Variants in PAIP1 observed in about 807,000 individuals in gnomAD.
PAIP1 encodes poly(A) binding protein interacting protein 1.
PAIP1 carries 16 observed loss-of-function variants against 61.3 expected under a neutral mutation model. The observed-to-expected ratio is 0.26, with a 90% CI of 0.18 to 0.40. PAIP1 has a LOEUF of 0.40. Ranked by LOEUF, PAIP1 falls within the 10% of genes least tolerant of loss-of-function variation. The pLI is 1.00. For missense variants in PAIP1, 416 were observed against 600.9 expected (o/e 0.69, Z 3.22); for synonymous variants, 187 against 226.2 (o/e 0.83, Z 1.56).
intron 2 of PAIP1, among the ~76,000 whole-genome samples, chr5:43,553,627 G>A (rs1365946753): frequency 6.6e-6 from 1 of 152,192 alleles, no homozygotes; most frequent in African/African-American, 2.4e-5. Context: ...GGGAAAAAAG[G>A]ATCCTGCTGT....
At chr5:43,540,163 G>GTA (rs1370296026) in intron 4 of PAIP1, among the ~76,000 whole-genome samples, 3 of 152,184 alleles carry the variant, frequency 2.0e-5, no homozygotes, top group African/African-American at 7.2e-5. Flanking sequence ...TGTTTACGAG[G>GTA]TATATTAACT....
intron 4 of PAIP1, among the ~76,000 whole-genome samples, chr5:43,540,781 T>A (rs1243719866): frequency 1.3e-5 from 2 of 152,032 alleles, no homozygotes; most frequent in African/African-American, 4.8e-5. Context: ...ATGAGAAGAG[T>A]GGGTCTCAAT....
At chr5:43,535,876 T>C (rs1747128173) in intron 6 of PAIP1, among the ~76,000 whole-genome samples, 1 of 152,162 alleles carries the variant, frequency 6.6e-6, no homozygotes, top group Non-Finnish European at 1.5e-5. Flanking sequence ...ATGGGTTTTA[T>C]GTCAACGACT....
intron 3 of PAIP1, among the ~76,000 whole-genome samples, chr5:43,544,146 TAAAAAA>T (rs568177939): frequency 2.1e-4 from 15 of 72,736 alleles, no homozygotes; most frequent in East Asian, 4.1e-4. Flanking sequence ...CCCATCTTTT[TAAAAAA>T]AAAAAAAAAA....
rs1747197512 is a variant in PAIP1, at chr5:43,537,371, C to T, written c.847-427G>A. 2.0e-5 allele frequency among the ~76,000 whole-genome samples: 3 copies of T among 152,024 alleles called. No individual in the cohort carries two copies. The South Asian group carries it at 6.2e-4, about 32-fold the overall frequency. On this transcript the variant is annotated intron_variant, in intron 5 of 10. Transcript: ENST00000306846. ...AGGAACTAAGCCTTATCTTTACATC[C>T]CCCATTGACCTAGCATCATTATCTC...
chr5:43,547,042 CAAAAA>C (rs766493987), intron 3 of PAIP1, among the ~76,000 whole-genome samples: 5 of 35,668 alleles, frequency 1.4e-4, no homozygotes, highest in African/African-American at 4.1e-4. Context: ...GACTCCATAT[CAAAAA>C]AAAAAAAAAA....
chr5:43,548,327 T>C (rs1375979628), intron 2 of PAIP1, among the ~76,000 whole-genome samples: 1 of 152,158 alleles, frequency 6.6e-6, no homozygotes, highest in Non-Finnish European at 1.5e-5. Flanking sequence ...TAGCTTACTG[T>C]TGAGGCCATG....
Position 43,555,822 on chromosome 5 carries a change from G to A in PAIP1, c.435+8C>T. On this transcript the variant is annotated splice_region_variant and intron_variant, in intron 2 of 10. Transcript: ENST00000306846. ...AACCCAGAGTTGTAGGAAAAAGGGT[G>A]TACTTACTGTGTAACTGGAAGAATA... 1 of 1,600,898 alleles carries A rather than the reference G, an allele frequency of 6.2e-7. No homozygotes were observed. Among genetic ancestry groups the A allele is most frequent in the Non-Finnish European group, 8.5e-7 (1 of 1,172,348 alleles).
Position 43,556,568 on chromosome 5 carries a change from G to T in PAIP1, c.265+14C>A. ...TCGCCAAGGAGGACTGGGGCCCTTA[G>T]AGCTGCTCCGTACCTGGGAGCGCCC... On this transcript the variant is annotated intron_variant, in intron 1 of 10. Coordinates refer to ENST00000306846, the MANE Select transcript of PAIP1 (RefSeq NM_006451.5). 2 of 1,252,078 alleles carry T rather than the reference G, an allele frequency of 1.6e-6. No individual in the cohort carries two copies. The highest frequency in any genetic ancestry group is 2.0e-6 in the Non-Finnish European group (2 of 993,608). 77.6% of individuals were successfully genotyped at this position (1,252,078 alleles called of 1,614,324 possible).
chr5:43,534,340 C>T (rs573981897), intron 8 of PAIP1, among the ~76,000 whole-genome samples: 1 of 152,112 alleles, frequency 6.6e-6, no homozygotes, highest in East Asian at 1.9e-4. Context: ...GCTGGGATTA[C>T]AGGCAAGTAC....
At chr5:43,555,777 C>G in intron 2 of PAIP1, 53 bp downstream of exon 2, 1 of 1,440,700 alleles carries the variant, frequency 6.9e-7, no homozygotes, top group Admixed American at 2.1e-5. Flanking sequence ...AAAGTAACAA[C>G]CACATTATTC....
At chr5:43,542,071 G>C (rs1484321290) in intron 4 of PAIP1, among the ~76,000 whole-genome samples, 1 of 150,786 alleles carries the variant, frequency 6.6e-6, no homozygotes, top group Non-Finnish European at 1.5e-5. Context: ...AGCTACTGGG[G>C]AGGCTGAGGC....
chr5:43,541,361 C>T (rs771506807), intron 4 of PAIP1, among the ~76,000 whole-genome samples: 55 of 136,864 alleles, frequency 4.0e-4, no homozygotes, highest in Non-Finnish European at 7.6e-4. Flanking sequence ...ACCATGTTAG[C>T]CAGGATGGCC....
chr5:43,547,039 T>C (rs1176362293), intron 3 of PAIP1, among the ~76,000 whole-genome samples: 2 of 3,746 alleles, frequency 5.3e-4, no homozygotes, highest in East Asian at 4.0e-3. Flanking sequence ...CAAGACTCCA[T>C]ATCAAAAAAA....
At chr5:43,550,142 T>C (rs1249754445) in intron 2 of PAIP1, among the ~76,000 whole-genome samples, 1 of 152,172 alleles carries the variant, frequency 6.6e-6, no homozygotes, top group Non-Finnish European at 1.5e-5. Flanking sequence ...CATTCACATA[T>C]AGTGTTCATT....
intron 2 of PAIP1, among the ~76,000 whole-genome samples, chr5:43,553,590 G>C (rs1579930167): frequency 6.6e-6 from 1 of 152,168 alleles, no homozygotes; most frequent in South Asian, 2.1e-4. Flanking sequence ...TGTTTCCTTT[G>C]CAACAAGAGC....
At chr5:43,527,692 T>A (rs945737902) in intron 10 of PAIP1, among the ~76,000 whole-genome samples, 1 of 152,178 alleles carries the variant, frequency 6.6e-6, no homozygotes, top group Admixed American at 6.5e-5. Flanking sequence ...GAAATTATAG[T>A]AAAGAATATA....
chr5:43,556,992 T>C lies in PAIP1; in HGVS notation c.-146A>G, dbSNP rs952891068. The C allele has an allele frequency of 4.1e-6, 5 of 1,222,822 alleles. No homozygotes were observed. The highest frequency in any genetic ancestry group is 5.1e-6 in the Non-Finnish European group (5 of 974,062). 75.7% of individuals were successfully genotyped at this position (1,222,822 alleles called of 1,614,324 possible). On this transcript the variant is annotated 5_prime_UTR_variant, in exon 1 of 11. Transcript: ENST00000306846. ...GGAGGGCGGCGGGCCCCGGCTCGGC[T>C]GCTCGGTGCTTCTGGCGGAGCGGAC... is the stretch of plus-strand genomic sequence containing the variant.
At chr5:43,556,466 G>A (rs1748083152) in intron 1 of PAIP1, 116 bp downstream of exon 1, 1 of 1,201,664 alleles carries the variant, frequency 8.3e-7, no homozygotes, top group Non-Finnish European at 1.0e-6. Context: ...CTCGGGGAAT[G>A]CTTTCGGGGA....
Sources: allele counts gnomAD v4.1 joint callset (sites outside exome capture counted in the v4.1 genomes callset), GRCh38; gene constraint gnomAD v4.1.1; transcripts MANE v1.5; gene names NCBI Gene and HGNC (gene_info 2026-07-23, HGNC 2026-07-21).